Variants in FAM149B1 observed in about 807,000 individuals in gnomAD.
The protein encoded by FAM149B1 is primary cilium assembly protein FAM149B1.
Under a neutral mutation model 75.3 loss-of-function variants are expected in FAM149B1, and 56 were observed. The ratio of observed to expected loss-of-function variants is 0.74; its 90% confidence interval spans 0.60 to 0.93. The LOEUF is 0.93. Among genes scored for constraint, FAM149B1 ranks in the 40% least tolerant of loss-of-function variants. The pLI is 0.00. For synonymous variants in FAM149B1, 259 were observed against 256.1 expected (o/e 1.01, Z -0.11); for missense variants, 639 against 708.4 (o/e 0.90, Z 1.11).
chr10:73,235,059 A>G, intron 11 of FAM149B1, 119 bp downstream of exon 11: 1 of 1,460,412 alleles, frequency 6.8e-7, no homozygotes, highest in East Asian at 2.5e-5. Context: ...GTACAAACAC[A>G]GTGCTAATTT....
At position 73,241,395 on chromosome 10, in the gene FAM149B1, A is replaced by G. The variant is rs1047633; in HGVS notation, c.*376A>G. 0.033 allele frequency: 7,703 copies of G among 234,884 alleles called. 533 individuals carry two copies. The highest frequency in any genetic ancestry group is 0.15 in the African/African-American group (6,602 of 43,302). 14.5% of individuals were successfully genotyped at this position (234,884 alleles called of 1,614,324 possible). ...AAAAAGCAGCAAATCATCAGTGACA[A>G]TATCACTGGCTTCAGAATACTTCAG... On this transcript the variant is annotated 3_prime_UTR_variant, in exon 14 of 14. Transcript: ENST00000242505.
chr10:73,169,725 A>T (rs1843626119), intron 1 of FAM149B1, among the ~76,000 whole-genome samples: 1 of 152,168 alleles, frequency 6.6e-6, no homozygotes, highest in Admixed American at 6.5e-5. Flanking sequence ...TGGCCTCCCA[A>T]AGTGTTGGCG....
At position 73,168,205 on chromosome 10, in the gene FAM149B1, G is replaced by C; in HGVS notation, c.-135G>C. ...GGTGGCTGCTCGGAGTCTAGGTGAC[G>C]GGGCGAGACGGGGCCGGTAGGTGGC... On this transcript the variant is annotated 5_prime_UTR_variant, in exon 1 of 14. Coordinates refer to ENST00000242505, the MANE Select transcript of FAM149B1 (RefSeq NM_173348.2). 1 of 901,218 alleles carries C rather than the reference G, an allele frequency of 1.1e-6. No individual in the cohort carries two copies. The highest frequency in any genetic ancestry group is 1.8e-5 in the South Asian group (1 of 55,956). The allele number at this position is 901,218 out of a possible 1,614,324, so 55.8% of individuals were successfully genotyped here. A position where few individuals can be genotyped will look rare whatever the true frequency, so the allele number is the denominator to read the frequency against.
At chr10:73,173,345 C>G (rs1018177045) in intron 1 of FAM149B1, among the ~76,000 whole-genome samples, 1 of 152,026 alleles carries the variant, frequency 6.6e-6, no homozygotes, top group African/African-American at 2.4e-5. Flanking sequence ...ACATCCACTC[C>G]TGTGTGTGTG....
intron 5 of FAM149B1, chr10:73,200,739 T>G (rs2042915555): frequency 2.2e-6 from 1 of 457,974 alleles, no homozygotes; most frequent in African/African-American, 2.0e-5. Context: ...GACTTGAACC[T>G]TGAAGGAATC....
At chr10:73,179,408 G>T (rs2042341255) in intron 3 of FAM149B1, among the ~76,000 whole-genome samples, 1 of 149,914 alleles carries the variant, frequency 6.7e-6, no homozygotes, top group African/African-American at 2.5e-5. Flanking sequence ...TAATATTATT[G>T]TTAGGCTCTT....
At chr10:73,200,350 A>T in intron 5 of FAM149B1, 1 of 499,274 alleles carries the variant, frequency 2.0e-6, no homozygotes, top group East Asian at 4.3e-5. Flanking sequence ...AACAAAACAA[A>T]ACAAAAAATA....
chr10:73,231,737 T>TA (rs2043704380), intron 9 of FAM149B1, among the ~76,000 whole-genome samples: 1 of 152,118 alleles, frequency 6.6e-6, no homozygotes, highest in Non-Finnish European at 1.5e-5. Flanking sequence ...ATGGGTTTCT[T>TA]CTGGGGTGTG....
rs1310154467 is a variant in FAM149B1, at chr10:73,168,404, C to T, written c.47+18C>T. 1 of 1,548,952 alleles carries T rather than the reference C, an allele frequency of 6.5e-7. No homozygotes were observed. Among genetic ancestry groups the T allele is most frequent in the East Asian group, 2.5e-5 (1 of 40,754 alleles). Reference sequence around the variant, plus strand: ...TTGGAGCTGTGAGTGGACTGCTCAGCCACCCCAGCCGGGGCGGGCGGCGGG... The same window carrying T: ...TTGGAGCTGTGAGTGGACTGCTCAGTCACCCCAGCCGGGGCGGGCGGCGGG... On this transcript the variant is annotated intron_variant, in intron 1 of 13. Coordinates refer to ENST00000242505, the MANE Select transcript of FAM149B1 (RefSeq NM_173348.2).
chr10:73,174,865 T>C, intron 2 of FAM149B1, 74 bp downstream of exon 2: 1 of 1,003,892 alleles, frequency 1.0e-6, no homozygotes, highest in East Asian at 2.6e-5. Context: ...GGCTTAAGAT[T>C]GGTGTCAAGC....
intron 5 of FAM149B1, among the ~76,000 whole-genome samples, chr10:73,196,068 A>G (rs928105891): frequency 6.6e-6 from 1 of 152,250 alleles, no homozygotes; most frequent in Non-Finnish European, 1.5e-5. Flanking sequence ...AATTATTACA[A>G]CTTAGCCACT....
chr10:73,187,586 G>A (rs145660680), intron 3 of FAM149B1, among the ~76,000 whole-genome samples: 20 of 150,528 alleles, frequency 1.3e-4, no homozygotes, highest in South Asian at 4.2e-4. Context: ...AAAATTAGCC[G>A]GGTGTGGTGG....
Position 73,168,172 on chromosome 10 carries a change from C to G in FAM149B1, c.-168C>G. The G allele has an allele frequency of 2.9e-6, 2 of 679,174 alleles. No homozygotes were observed. The highest frequency in any genetic ancestry group is 4.9e-6 in the Non-Finnish European group (2 of 409,298). The allele number at this position is 679,174 out of a possible 1,614,324, so 42.1% of individuals were successfully genotyped here. A position where few individuals can be genotyped will look rare whatever the true frequency, so the allele number is the denominator to read the frequency against. On this transcript the variant is annotated 5_prime_UTR_variant, in exon 1 of 14. Transcript: ENST00000242505. ...GTCGGAGGACTGGAGAGGTGGGGAC[C>G]CTGGGGAGGTGGCTGCTCGGAGTCT...
chr10:73,194,662 C>CT (rs113859832), intron 5 of FAM149B1, among the ~76,000 whole-genome samples: 30,079 of 147,030 alleles, frequency 0.2, 5,626 homozygotes, highest in African/African-American at 0.49. Context: ...CGCACCCAGA[C>CT]TTTTTTTTTT....
chr10:73,183,809 C>T (rs536646441), intron 3 of FAM149B1, among the ~76,000 whole-genome samples: 1 of 152,306 alleles, frequency 6.6e-6, no homozygotes, highest in Admixed American at 6.5e-5. Flanking sequence ...TATTCTACTA[C>T]AGAGGGACAC....
chr10:73,240,923 T>C, intron 13 of FAM149B1, 23 bp from the exon 14 acceptor site: 5 of 1,395,220 alleles, frequency 3.6e-6, no homozygotes, highest in Non-Finnish European at 5.0e-6. Flanking sequence ...TGTCTACTAA[T>C]GTTACTCTAT....
At chr10:73,207,845 T>C (rs2043102328) in intron 5 of FAM149B1, among the ~76,000 whole-genome samples, 7 of 152,226 alleles carry the variant, frequency 4.6e-5, no homozygotes, top group Admixed American at 4.6e-4. Context: ...TGGAAGTAAA[T>C]AACTTGTTTT....
chr10:73,236,606 G>A (rs943898014), intron 12 of FAM149B1, among the ~76,000 whole-genome samples: 2 of 151,738 alleles, frequency 1.3e-5, no homozygotes, highest in Non-Finnish European at 2.9e-5. Flanking sequence ...TAGAGATGGG[G>A]TTTTGCCATC....
chr10:73,243,131 T>G lies in FAM149B1; in HGVS notation c.*2112T>G. On this transcript the variant is annotated 3_prime_UTR_variant, in exon 14 of 14. Transcript: ENST00000242505. ...TGTACAGAAGATCCATGGAGGCAAG[T>G]GCTGTCAGGAAGGACACTGCCTCCC... 2.4e-6 allele frequency: 1 copy of G among 408,988 alleles called. No individual in the cohort carries two copies. Among genetic ancestry groups the G allele is most frequent in the Middle Eastern group, 7.0e-4 (1 of 1,424 alleles). 25.3% of individuals were successfully genotyped at this position (408,988 alleles called of 1,614,324 possible).
Sources: allele counts gnomAD v4.1 joint callset (sites outside exome capture counted in the v4.1 genomes callset), GRCh38; gene constraint gnomAD v4.1.1; transcripts MANE v1.5; gene names NCBI Gene and HGNC (gene_info 2026-07-23, HGNC 2026-07-21).